Variants in CDH13 observed in about 807,000 individuals in gnomAD.
CDH13 encodes the protein cadherin 13.
CDH13 carries 24 observed loss-of-function variants against 63.8 expected under a neutral mutation model. That is an observed-to-expected ratio of 0.38 (90% CI 0.27 to 0.53). The LOEUF (loss-of-function observed/expected upper bound fraction) is 0.53. CDH13 is among the 20% of genes least tolerant of loss of function. The pLI is 0.85. For missense variants in CDH13, 1,049 were observed against 903.1 expected, an observed-to-expected ratio of 1.16 and a Z score of -2.07; for synonymous variants, 503 against 355.3, an observed-to-expected ratio of 1.42 and a Z score of -4.67.
intron 10 of CDH13, among the ~76,000 whole-genome samples, chr16:83,738,634 G>A (rs1395968162): frequency 2.6e-5 from 4 of 152,162 alleles, no homozygotes; most frequent in African/African-American, 7.2e-5. Flanking sequence ...TGGGCCAGGT[G>A]TGGTGGCTCA....
chr16:82,722,103 T>A (rs976851342), intron 1 of CDH13, among the ~76,000 whole-genome samples: 22 of 152,254 alleles, frequency 1.4e-4, no homozygotes, highest in Non-Finnish European at 2.4e-4. Flanking sequence ...TAGAATAAAC[T>A]TTTTTTCAAA....
chr16:83,311,874 A>C (rs894326562), intron 5 of CDH13, among the ~76,000 whole-genome samples: 2 of 152,182 alleles, frequency 1.3e-5, no homozygotes, highest in African/African-American at 4.8e-5. Context: ...TAGGATTTCG[A>C]GACCAACCTG....
intron 5 of CDH13, among the ~76,000 whole-genome samples, chr16:83,257,257 A>T (rs1317137067): frequency 6.6e-6 from 1 of 152,154 alleles, no homozygotes; most frequent in Non-Finnish European, 1.5e-5. Flanking sequence ...AGAGAAAGCG[A>T]CGGTGAGCTT....
intron 1 of CDH13, chr16:82,826,591 A>G (rs1402513241): frequency 1.3e-5 from 2 of 152,194 alleles, no homozygotes; most frequent in African/African-American, 2.4e-5. Flanking sequence ...CATCTCAGGA[A>G]TAGAGTCCCA....
At chr16:83,773,094 C>T (rs1201618771) in intron 11 of CDH13, among the ~76,000 whole-genome samples, 1 of 152,134 alleles carries the variant, frequency 6.6e-6, no homozygotes, top group Non-Finnish European at 1.5e-5. Flanking sequence ...TCCAACCCTT[C>T]CACAGAGACT....
chr16:83,689,482 G>A (rs1904634024), intron 10 of CDH13, among the ~76,000 whole-genome samples: 1 of 152,174 alleles, frequency 6.6e-6, no homozygotes, highest in South Asian at 2.1e-4. Flanking sequence ...GCTTATCATG[G>A]CATTAACCCT....
At position 83,253,416 on chromosome 16, in the gene CDH13, C is replaced by G. The variant is rs555177393; in HGVS notation, c.636+35919C>G. Among the ~76,000 whole-genome samples the G allele has an allele frequency of 3.9e-5, 6 of 152,292 alleles. No individual in the cohort carries two copies. The East Asian group carries it at 1.2e-3, about 29-fold the overall frequency. On this transcript the variant is annotated intron_variant, in intron 5 of 13. Coordinates refer to ENST00000567109, the MANE Select transcript of CDH13 (RefSeq NM_001257.5). ...TTTCTTAGCGATCAGTCATCTTGATCAAAGTAAGAAGCAGCCAGTGTCCAA... is the reference window on the plus strand; with the variant it reads ...TTTCTTAGCGATCAGTCATCTTGATGAAAGTAAGAAGCAGCCAGTGTCCAA...
At chr16:83,000,008 C>T (rs1339087112) in intron 2 of CDH13, among the ~76,000 whole-genome samples, 1 of 152,006 alleles carries the variant, frequency 6.6e-6, no homozygotes, top group Admixed American at 6.6e-5. Context: ...TCTTGCAATG[C>T]TTAAGACATC....
At position 83,797,927 on chromosome 16, in the gene CDH13, T is replaced by C. The variant is rs1317772621; in HGVS notation, c.*2897T>C. The stretch of plus-strand genomic sequence containing the variant: ...ATATGCACACATTTTCTAATTTCAA[T>C]AAAAGTCACCTTCAATACCGCCAGT... On this transcript the variant is annotated 3_prime_UTR_variant, in exon 14 of 14. Coordinates refer to ENST00000567109, the MANE Select transcript of CDH13 (RefSeq NM_001257.5). 2.0e-5 allele frequency: 3 copies of C among 152,234 alleles called. No homozygotes were observed. The highest frequency in any genetic ancestry group is 2.0e-4 in the Admixed American group (3 of 15,288). 9.4% of individuals were successfully genotyped at this position (152,234 alleles called of 1,614,324 possible).
chr16:83,465,708 C>G (rs1598084862), intron 6 of CDH13, among the ~76,000 whole-genome samples: 1 of 152,336 alleles, frequency 6.6e-6, no homozygotes, highest in African/African-American at 2.4e-5. Flanking sequence ...TGTGCATGTC[C>G]TTGTGAGGCT....
At chr16:82,895,067 A>G (rs2041207068) in intron 2 of CDH13, among the ~76,000 whole-genome samples, 1 of 152,212 alleles carries the variant, frequency 6.6e-6, no homozygotes, top group African/African-American at 2.4e-5. Flanking sequence ...TATATGACGT[A>G]GAATCACTCA....
At chr16:83,522,013 C>T (rs563027788) in intron 7 of CDH13, among the ~76,000 whole-genome samples, 1 of 152,170 alleles carries the variant, frequency 6.6e-6, no homozygotes, top group Non-Finnish European at 1.5e-5. Context: ...AGAGATGAAT[C>T]CATCAGCTGT....
At chr16:82,884,082 G>T (rs1355348209) in intron 2 of CDH13, 4 of 433,010 alleles carry the variant, frequency 9.2e-6, no homozygotes, top group Non-Finnish European at 1.8e-5. Context: ...GAAGTGCCAT[G>T]TAGATGTTCA....
At chr16:83,511,133 C>CGT (rs2074553031) in intron 7 of CDH13, among the ~76,000 whole-genome samples, 1 of 152,154 alleles carries the variant, frequency 6.6e-6, no homozygotes. Flanking sequence ...CACATGTGCA[C>CGT]ACATGCACGC....
chr16:83,790,316 C>T (rs1161265901), intron 13 of CDH13: 1 of 152,100 alleles, frequency 6.6e-6, no homozygotes, highest in Non-Finnish European at 1.5e-5. Context: ...TCTTTGACAT[C>T]TGAAAATAAA....
At chr16:83,267,247 G>A (rs564402016) in intron 5 of CDH13, among the ~76,000 whole-genome samples, 7 of 152,266 alleles carry the variant, frequency 4.6e-5, no homozygotes, top group South Asian at 4.2e-4. Flanking sequence ...GTGCAGGGAA[G>A]CTCCAGGGAT....
intron 8 of CDH13, among the ~76,000 whole-genome samples, chr16:83,657,912 C>T (rs532887510): frequency 6.6e-6 from 1 of 150,748 alleles, no homozygotes; most frequent in Non-Finnish European, 1.5e-5. Flanking sequence ...CATATCCTCA[C>T]CAGCAAGGTC....
At position 83,581,182 on chromosome 16, in the gene CDH13, T is replaced by C. The variant is rs1177409010; in HGVS notation, c.961-21272T>C. Among the ~76,000 whole-genome samples the C allele has an allele frequency of 9.8e-5, 15 of 152,320 alleles. No homozygotes were observed. The South Asian group carries it at 2.9e-3, about 29-fold the overall frequency. On this transcript the variant is annotated intron_variant, in intron 7 of 13. Transcript: ENST00000567109. ...TGCATTTGTTCATTGATCCAACAAA[T>C]GCACGTGGGCATTTGGAAAGCAGGT...
At chr16:83,031,969 A>C (rs564171901) in intron 2 of CDH13, 41 bp from the exon 3 acceptor site, 30 of 1,489,564 alleles carry the variant, frequency 2.0e-5, no homozygotes, top group Non-Finnish European at 2.7e-5. Flanking sequence ...TAAGCTGCCC[A>C]ACCTACTCAT....
Sources: gnomAD v4.1 joint callset for allele counts (sites outside exome capture counted in the v4.1 genomes callset) on GRCh38, gnomAD v4.1.1 for gene constraint, MANE v1.5 for transcripts, NCBI Gene and HGNC (gene_info 2026-07-23, HGNC 2026-07-21) for gene names.